FNBP1: variants seen among roughly 807,000 people sequenced by gnomAD.
The protein encoded by FNBP1 is formin-binding protein 1.
Under a neutral mutation model 90.6 loss-of-function variants are expected in FNBP1, and 26 were observed. That is an observed-to-expected ratio of 0.29 (90% CI 0.21 to 0.40). The LOEUF (loss-of-function observed/expected upper bound fraction) is 0.40. FNBP1 is among the 10% of genes least tolerant of loss of function. The pLI is 1.00. For synonymous variants in FNBP1, 260 were observed against 265.2 expected, an observed-to-expected ratio of 0.98 and a Z score of 0.19; for missense variants, 635 against 768.0, an observed-to-expected ratio of 0.83 and a Z score of 2.05.
chr9:129,899,923 G>C (rs1399133500), intron 15 of FNBP1, 42 bp downstream of exon 15: 6 of 1,490,792 alleles, frequency 4.0e-6, no homozygotes, highest in African/African-American at 1.4e-5. Context: ...AGATATTATG[G>C]TTTATAAAAG....
intron 1 of FNBP1, among the ~76,000 whole-genome samples, chr9:130,038,625 G>A (rs866928137): frequency 3.9e-5 from 6 of 152,024 alleles, no homozygotes; most frequent in Non-Finnish European, 8.8e-5. Flanking sequence ...TCAAACTCCT[G>A]ATGTCGTGAT....
Position 129,888,831 on chromosome 9 carries a change from G to A in FNBP1, c.*1708C>T, listed in dbSNP as rs1428419729. On this transcript the variant is annotated 3_prime_UTR_variant, in exon 17 of 17. Transcript: ENST00000446176. ...AAGTAAAGACAGCCCCATCCCTTGG[G>A]ACCTGTCCTTTCCGTCCCTGTCCCT... 1.3e-5 allele frequency: 3 copies of A among 232,692 alleles called. No individual in the cohort carries two copies. Among genetic ancestry groups the A allele is most frequent in the East Asian group, 6.1e-5 (1 of 16,528 alleles). 14.4% of individuals were successfully genotyped at this position (232,692 alleles called of 1,614,324 possible). A position where few individuals can be genotyped will look rare whatever the true frequency, so the allele number is the denominator to read the frequency against.
intron 4 of FNBP1, among the ~76,000 whole-genome samples, chr9:129,965,817 GAGGA>G (rs1190159718): frequency 1.6e-4 from 16 of 99,442 alleles, no homozygotes; most frequent in African/African-American, 6.6e-4. Context: ...GGGAGGGAGG[GAGGA>G]AGGAAGGAAG....
At chr9:130,035,549 G>A (rs1469108931) in intron 1 of FNBP1, among the ~76,000 whole-genome samples, 1 of 152,176 alleles carries the variant, frequency 6.6e-6, no homozygotes, top group Non-Finnish European at 1.5e-5. Flanking sequence ...CTGGATTCTT[G>A]TAACAAATAA....
At chr9:129,971,547 C>T (rs922679593) in intron 4 of FNBP1, among the ~76,000 whole-genome samples, 1 of 152,138 alleles carries the variant, frequency 6.6e-6, no homozygotes, top group East Asian at 1.9e-4. Context: ...CATGCCACCA[C>T]GCCTGGTTAA....
intron 1 of FNBP1, among the ~76,000 whole-genome samples, chr9:130,005,502 C>T (rs1002259311): frequency 3.3e-5 from 5 of 151,790 alleles, no homozygotes; most frequent in African/African-American, 4.8e-5. Context: ...CCACCACACC[C>T]GGCTAATTTT....
At chr9:129,950,599 G>A (rs942720455) in intron 6 of FNBP1, among the ~76,000 whole-genome samples, 1 of 152,192 alleles carries the variant, frequency 6.6e-6, no homozygotes, top group Non-Finnish European at 1.5e-5. Context: ...AGAACTCAGA[G>A]CATGTGTGGA....
chr9:129,896,135 A>T, intron 15 of FNBP1, 139 bp from the exon 16 acceptor site: 1 of 794,422 alleles, frequency 1.3e-6, no homozygotes, highest in Non-Finnish European at 2.0e-6. Context: ...TCTCAGATGC[A>T]CGGACCCCTC....
chr9:129,888,885 G>C lies in FNBP1; in HGVS notation c.*1654C>G. On this transcript the variant is annotated 3_prime_UTR_variant, in exon 17 of 17. Transcript: ENST00000446176. ...GCTTCTATAGGACTTCCTTGTCTTA[G>C]ATTCATAAACAGCAAGAGGAACTGA... is the stretch of plus-strand genomic sequence containing the variant. The C allele has an allele frequency of 4.3e-6, 1 of 232,336 alleles. No homozygotes were observed. The highest frequency in any genetic ancestry group is 8.5e-6 in the Non-Finnish European group (1 of 117,468). 14.4% of individuals were successfully genotyped at this position (232,336 alleles called of 1,614,324 possible).
chr9:130,020,268 C>T (rs1564593024), intron 1 of FNBP1, among the ~76,000 whole-genome samples: 1 of 152,206 alleles, frequency 6.6e-6, no homozygotes. Flanking sequence ...AGTGCTGTAG[C>T]GCGACCTTGG....
chr9:129,982,781 G>T (rs1362207048), intron 2 of FNBP1, among the ~76,000 whole-genome samples: 1 of 152,038 alleles, frequency 6.6e-6, no homozygotes, highest in Non-Finnish European at 1.5e-5. Flanking sequence ...TCCCACCTTA[G>T]CCTCCCAAGT....
At chr9:129,958,356 T>C in intron 5 of FNBP1, 135 bp downstream of exon 5, 2 of 635,190 alleles carry the variant, frequency 3.1e-6, no homozygotes, top group Non-Finnish European at 5.5e-6. Context: ...CACTTGAACC[T>C]GGGAAGCAGA....
chr9:129,903,509 C>G (rs984864129), intron 12 of FNBP1, among the ~76,000 whole-genome samples: 3 of 152,112 alleles, frequency 2.0e-5, no homozygotes, highest in Admixed American at 1.3e-4. Flanking sequence ...AATAAAGAAG[C>G]TGATTTTTCA....
At chr9:130,030,170 C>A (rs2058679225) in intron 1 of FNBP1, among the ~76,000 whole-genome samples, 1 of 152,078 alleles carries the variant, frequency 6.6e-6, no homozygotes, top group Non-Finnish European at 1.5e-5. Flanking sequence ...CACACTGGCT[C>A]ATGCCTGTAA....
intron 1 of FNBP1, among the ~76,000 whole-genome samples, chr9:130,037,666 A>G (rs1167436921): frequency 6.6e-6 from 1 of 152,162 alleles, no homozygotes; most frequent in East Asian, 1.9e-4. Flanking sequence ...GACTGTGTGT[A>G]TTTGGGGGCA....
intron 2 of FNBP1, among the ~76,000 whole-genome samples, chr9:129,990,888 G>C (rs79725387): frequency 0.046 from 6,941 of 151,450 alleles, 319 homozygotes; most frequent in Admixed American, 0.14. Flanking sequence ...GGGAGTGTGA[G>C]TGTGTGAGAA....
At chr9:130,014,120 A>C (rs1052987532) in intron 1 of FNBP1, 2 of 454,506 alleles carry the variant, frequency 4.4e-6, no homozygotes, top group Non-Finnish European at 8.8e-6. Flanking sequence ...CTGTAAAAAT[A>C]ACAGAATATG....
the FNBP1 span, chr9:130,053,573 G>C: frequency 3.3e-6 from 1 of 305,248 alleles, no homozygotes; most frequent in South Asian, 3.7e-5. Flanking sequence ...CCGTGCGGCT[G>C]ACACAGCTTA....
chr9:129,996,065 G>A (rs73672532), intron 1 of FNBP1, among the ~76,000 whole-genome samples: 1,619 of 152,266 alleles, frequency 0.011, 42 homozygotes, highest in African/African-American at 0.037. Context: ...GGATTCCAGA[G>A]TGACTTTCAG....
Sources: gnomAD v4.1 joint callset for allele counts (sites outside exome capture counted in the v4.1 genomes callset) on GRCh38, gnomAD v4.1.1 for gene constraint, MANE v1.5 for transcripts, NCBI Gene and HGNC (gene_info 2026-07-23, HGNC 2026-07-21) for gene names.